TXNDC16: variants seen among roughly 807,000 people sequenced by gnomAD.
The protein encoded by TXNDC16 is thioredoxin domain containing 16, also known as thioredoxin domain-containing protein 16.
Under a neutral mutation model 85.6 loss-of-function variants are expected in TXNDC16, and 74 were observed. That is an observed-to-expected ratio of 0.86 (90% confidence interval 0.72 to 1.05). The LOEUF is 1.05. Among genes scored for constraint, TXNDC16 ranks in the 50% least tolerant of loss-of-function variants. TXNDC16 has a pLI of 0.00. For synonymous variants in TXNDC16, 335 were observed against 326.5 expected (o/e 1.03, Z -0.28); for missense variants, 959 against 947.0 (o/e 1.01, Z -0.17).
At chr14:52,505,589 G>A (rs541550214) in intron 9 of TXNDC16, among the ~76,000 whole-genome samples, 6 of 152,114 alleles carry the variant, frequency 3.9e-5, no homozygotes, top group African/African-American at 7.2e-5. Flanking sequence ...AATTTATAGC[G>A]CTAAATGCCC....
intron 12 of TXNDC16, among the ~76,000 whole-genome samples, chr14:52,488,085 G>T (rs538295236): frequency 2.2e-4 from 34 of 152,136 alleles, no homozygotes; most frequent in Non-Finnish European, 1.2e-4. Context: ...AGTCCAGAAC[G>T]GCTGAAAGAA....
At chr14:52,472,070 A>C (rs1268120885) in intron 14 of TXNDC16, among the ~76,000 whole-genome samples, 1 of 151,770 alleles carries the variant, frequency 6.6e-6, no homozygotes, top group Middle Eastern at 3.2e-3. Flanking sequence ...AAATGTTTTT[A>C]ATACTGAAAT....
rs769294275 is a variant in TXNDC16, at chr14:52,431,774, A to G, written c.*530T>C. The stretch of plus-strand genomic sequence containing the variant: ...GTTGACAAACGCTGATTTTAATATC[A>G]TGACTCCAATAAAACAAATATAACT... On this transcript the variant is annotated 3_prime_UTR_variant, in exon 21 of 21. Transcript: ENST00000281741. 2.0e-5 allele frequency: 3 copies of G among 152,274 alleles called. No homozygotes were observed. Among genetic ancestry groups the G allele is most frequent in the Non-Finnish European group, 4.4e-5 (3 of 68,050 alleles). 9.4% of individuals were successfully genotyped at this position (152,274 alleles called of 1,614,324 possible).
intron 20 of TXNDC16, among the ~76,000 whole-genome samples, chr14:52,433,999 T>G (rs2034967529): frequency 6.6e-6 from 1 of 152,064 alleles, no homozygotes; most frequent in African/African-American, 2.4e-5. Context: ...GGCAACATAG[T>G]GGTAGCCCTT....
At chr14:52,496,108 C>T (rs1041818691) in intron 9 of TXNDC16, among the ~76,000 whole-genome samples, 2 of 150,732 alleles carry the variant, frequency 1.3e-5, no homozygotes, top group African/African-American at 4.9e-5. Context: ...TGCAGTGAGC[C>T]GAGATCGCTC....
chr14:52,454,585 C>T (rs1306256573), intron 18 of TXNDC16, among the ~76,000 whole-genome samples: 4 of 144,980 alleles, frequency 2.8e-5, no homozygotes, highest in Non-Finnish European at 6.0e-5. Context: ...AGGCGGATCA[C>T]TTGAGGTCAG....
chr14:52,539,611 A>AT (rs1224095561), intron 4 of TXNDC16, among the ~76,000 whole-genome samples: 1 of 152,234 alleles, frequency 6.6e-6, no homozygotes, highest in African/African-American at 2.4e-5. Context: ...AGAAAGGCCA[A>AT]TTATTAGGAG....
intron 12 of TXNDC16, among the ~76,000 whole-genome samples, chr14:52,486,960 A>T (rs921621206): frequency 6.6e-6 from 1 of 152,136 alleles, no homozygotes; most frequent in African/African-American, 2.4e-5. Context: ...TTGGTCAATT[A>T]AAAAAATGGA....
rs762389141 is a variant in TXNDC16, at chr14:52,440,559, C to T, written c.2003+5G>A. The T allele has an allele frequency of 1.3e-6, 2 of 1,566,484 alleles. No individual in the cohort carries two copies. Among genetic ancestry groups the T allele is most frequent in the East Asian group, 2.3e-5 (1 of 42,956 alleles). ...TTACATATTAAAAAATAAACACATA[C>T]TTACAGATTTAACCAGCATGGAGTA... On this transcript the variant is annotated splice_donor_5th_base_variant and intron_variant, in intron 19 of 20. Coordinates refer to ENST00000281741, the MANE Select transcript of TXNDC16 (RefSeq NM_020784.3).
At chr14:52,543,678 A>C in intron 2 of TXNDC16, 48 bp from the exon 3 acceptor site, 1 of 1,096,422 alleles carries the variant, frequency 9.1e-7, no homozygotes, top group Non-Finnish European at 1.3e-6. Context: ...TGAATTTGTT[A>C]AATGAATGAA....
intron 9 of TXNDC16, among the ~76,000 whole-genome samples, chr14:52,503,529 A>ATTTTCC (rs2036714138): frequency 6.6e-6 from 1 of 152,222 alleles, no homozygotes; most frequent in Non-Finnish European, 1.5e-5. Context: ...GTTAGAAGGA[A>ATTTTCC]AACTAACAAA....
chr14:52,465,912 A>C (rs1488789946), intron 16 of TXNDC16, among the ~76,000 whole-genome samples: 1 of 152,194 alleles, frequency 6.6e-6, no homozygotes, highest in Non-Finnish European at 1.5e-5. Flanking sequence ...ATCAAAAATA[A>C]GATGAATTAA....
intron 6 of TXNDC16, among the ~76,000 whole-genome samples, chr14:52,529,995 TATATATA>T (rs1259203798): frequency 4.9e-5 from 5 of 101,392 alleles, no homozygotes; most frequent in Non-Finnish European, 5.2e-5. Flanking sequence ...ATATAATTCA[TATATATA>T]ATATATATTA....
At chr14:52,457,262 T>C in intron 16 of TXNDC16, 88 bp from the exon 17 acceptor site, 7 of 664,750 alleles carry the variant, frequency 1.1e-5, no homozygotes, top group Non-Finnish European at 1.5e-5. Flanking sequence ...GGTGGTAGTA[T>C]TTCATTATTA....
intron 4 of TXNDC16, among the ~76,000 whole-genome samples, chr14:52,540,458 C>G (rs1309997418): frequency 2.0e-5 from 3 of 152,098 alleles, no homozygotes; most frequent in African/African-American, 7.2e-5. Context: ...AACCCCATCT[C>G]TACTAAAACT....
intron 9 of TXNDC16, among the ~76,000 whole-genome samples, chr14:52,506,002 A>T (rs146098279): frequency 4.3e-4 from 65 of 152,320 alleles, no homozygotes; most frequent in African/African-American, 1.5e-3. Context: ...CGACACGTAG[A>T]CTCTCCTAAG....
chr14:52,480,634 C>T (rs192418217), intron 14 of TXNDC16, among the ~76,000 whole-genome samples: 1 of 152,096 alleles, frequency 6.6e-6, no homozygotes. Flanking sequence ...TCACCTTACT[C>T]CTGCAAGAAT....
chr14:52,522,384 T>C (rs538409562), intron 6 of TXNDC16, among the ~76,000 whole-genome samples: 143 of 152,300 alleles, frequency 9.4e-4, no homozygotes, highest in African/African-American at 2.9e-3. Flanking sequence ...GTTTTCTAAG[T>C]CTTCAAGGTA....
chr14:52,484,196 TA>T (rs1250642906), intron 12 of TXNDC16, among the ~76,000 whole-genome samples: 1 of 96,042 alleles, frequency 1.0e-5, no homozygotes, highest in Admixed American at 1.1e-4. Flanking sequence ...TACAAAACAA[TA>T]AGGGGGGGGG....
Sources: gnomAD v4.1 joint callset for allele counts (sites outside exome capture counted in the v4.1 genomes callset) on GRCh38, gnomAD v4.1.1 for gene constraint, MANE v1.5 for transcripts, NCBI Gene and HGNC (gene_info 2026-07-23, HGNC 2026-07-21) for gene names.